NEBL: variants seen among roughly 807,000 people sequenced by gnomAD.
NEBL encodes nebulette.
Under a neutral mutation model 140.2 loss-of-function variants are expected in NEBL, and 122 were observed. The observed-to-expected ratio is 0.87, with a 90% CI of 0.75 to 1.01. The LOEUF (loss-of-function observed/expected upper bound fraction) is 1.01, where lower values mean the gene tolerates loss of function less well. NEBL is among the 50% of genes least tolerant of loss of function. NEBL has a pLI of 0.00. For synonymous variants in NEBL, 436 were observed against 398.9 expected (o/e 1.09, Z -1.11); for missense variants, 1,365 against 1,231.3 (o/e 1.11, Z -1.62).
At chr10:21,004,877 T>G (rs1838065441) in intron 3 of NEBL, among the ~76,000 whole-genome samples, 1 of 152,228 alleles carries the variant, frequency 6.6e-6, no homozygotes. Context: ...GGAGAAACAC[T>G]GACTCACAGA....
intron 20 of NEBL, among the ~76,000 whole-genome samples, chr10:20,818,114 C>T (rs936348805): frequency 7.9e-5 from 12 of 152,190 alleles, no homozygotes. Flanking sequence ...AGCTCTCTGA[C>T]TCCTACCACC....
At chr10:20,944,841 A>G (rs2131579466) in intron 4 of NEBL, among the ~76,000 whole-genome samples, 1 of 152,300 alleles carries the variant, frequency 6.6e-6, no homozygotes, top group Middle Eastern at 3.4e-3. Context: ...TTATTCTCCA[A>G]AAGCAGACAT....
intron 18 of NEBL, 103 bp from the exon 19 acceptor site, chr10:20,823,403 T>C: frequency 1.2e-6 from 1 of 829,850 alleles, no homozygotes; most frequent in South Asian, 1.7e-5. Flanking sequence ...ATTTTATTAA[T>C]TCCAACATTA....
chr10:21,148,359 G>C (rs867806021), intron 2 of NEBL, among the ~76,000 whole-genome samples: 1 of 152,096 alleles, frequency 6.6e-6, no homozygotes, highest in Non-Finnish European at 1.5e-5. Flanking sequence ...TAAAGTATGT[G>C]GACTTTGGTC....
chr10:20,958,188 T>G lies in NEBL; in HGVS notation c.357+3484A>C, dbSNP rs1835893027. Among the ~76,000 whole-genome samples the G allele has an allele frequency of 2.0e-5, 3 of 152,222 alleles. 1 individual carries two copies. Among genetic ancestry groups the G allele is most frequent in the Admixed American group, 2.0e-4 (3 of 15,282 alleles). On this transcript the variant is annotated intron_variant, in intron 4 of 6. Coordinates refer to the NEBL transcript ENST00000417816. ...GGTGTTTCATTTTTTTTAATGCCCTTGGGCACAGTATTCCTCAATTCATAT... is the reference window on the plus strand; with the variant it reads ...GGTGTTTCATTTTTTTTAATGCCCTGGGGCACAGTATTCCTCAATTCATAT...
chr10:20,945,453 T>C (rs1359626826), intron 4 of NEBL, among the ~76,000 whole-genome samples: 1 of 152,198 alleles, frequency 6.6e-6, no homozygotes, highest in Admixed American at 6.5e-5. Flanking sequence ...ACAAGTAAAG[T>C]AAGCATATTC....
intron 5 of NEBL, among the ~76,000 whole-genome samples, chr10:20,876,727 A>T (rs1473130320): frequency 6.6e-6 from 1 of 152,190 alleles, no homozygotes; most frequent in Non-Finnish European, 1.5e-5. Flanking sequence ...ACAAAACTTA[A>T]AATAGAGTTT....
At chr10:20,995,452 C>G (rs1039716746) in intron 3 of NEBL, among the ~76,000 whole-genome samples, 1 of 152,100 alleles carries the variant, frequency 6.6e-6, no homozygotes, top group Admixed American at 6.6e-5. Flanking sequence ...AAAAGGGTCC[C>G]TGAGCATGAG....
At chr10:20,938,469 T>C (rs1834639117) in intron 4 of NEBL, among the ~76,000 whole-genome samples, 1 of 152,068 alleles carries the variant, frequency 6.6e-6, no homozygotes, top group Non-Finnish European at 1.5e-5. Flanking sequence ...CAAAGGTAGA[T>C]AAAACCACAA....
At chr10:21,217,393 T>C (rs1340399846) in intron 3 of NEBL, among the ~76,000 whole-genome samples, 1 of 152,196 alleles carries the variant, frequency 6.6e-6, no homozygotes, top group Non-Finnish European at 1.5e-5. Flanking sequence ...GGAAACTCTA[T>C]CTGGTTTGTT....
At chr10:20,884,927 C>T (rs1846356755) in intron 4 of NEBL, among the ~76,000 whole-genome samples, 1 of 152,214 alleles carries the variant, frequency 6.6e-6, no homozygotes, top group Non-Finnish European at 1.5e-5. Flanking sequence ...AATAAAATGG[C>T]CTCCTAAAAA....
At chr10:21,023,358 G>A (rs944767455) in intron 2 of NEBL, among the ~76,000 whole-genome samples, 10 of 152,140 alleles carry the variant, frequency 6.6e-5, no homozygotes, top group African/African-American at 2.4e-4. Flanking sequence ...CAGTTTGGGG[G>A]CATGCTTTGG....
In NEBL at chr10:21,120,680, C is replaced by CAAA. The variant is rs66476160; in HGVS notation, c.164+51700_164+51702dup. 9.1e-4 allele frequency among the ~76,000 whole-genome samples: 65 copies of CAAA among 71,222 alleles called. 2 individuals are homozygous for CAAA. Among genetic ancestry groups the CAAA allele is most frequent in the South Asian group, 1.3e-3 (2 of 1,556 alleles). 46.7% of individuals were successfully genotyped at this position (71,222 alleles called of 152,430 possible). On this transcript the variant is annotated intron_variant, in intron 2 of 6. Transcript: ENST00000417816. ...ACTCTTCAAAAGTATTTCATGACAG[C>CAAA]AAAAAAAAAAAAAAAAAAAAAAAAC...
rs1247739043 is a variant in NEBL at position 20,805,039 on chromosome 10, G to A, written c.2761+3471C>T. ...TAAGGGTAGCAACAATGGAGGTAGG[G>A]CCAAGCACTCAGATTCTGGATATTT... On this transcript the variant is annotated intron_variant, in intron 26 of 27. Coordinates refer to ENST00000377122, the MANE Select transcript of NEBL (RefSeq NM_006393.3). Among the ~76,000 whole-genome samples the A allele has an allele frequency of 3.3e-5, 5 of 152,152 alleles. 1 individual carries two copies. Among genetic ancestry groups the A allele is most frequent in the Non-Finnish European group, 7.3e-5 (5 of 68,030 alleles).
At chr10:21,285,723 G>C (rs972104005) in intron 1 of NEBL, among the ~76,000 whole-genome samples, 4 of 152,190 alleles carry the variant, frequency 2.6e-5, no homozygotes, top group Non-Finnish European at 5.9e-5. Flanking sequence ...TCTACTTCCA[G>C]GAAGTGTCTA....
intron 2 of NEBL, among the ~76,000 whole-genome samples, chr10:21,033,538 A>G (rs1330598246): frequency 1.3e-5 from 2 of 152,148 alleles, no homozygotes; most frequent in Admixed American, 1.3e-4. Context: ...TCATCCATGT[A>G]GAACAGAAAT....
intron 26 of NEBL, among the ~76,000 whole-genome samples, chr10:20,804,852 T>G (rs1414193758): frequency 6.6e-6 from 1 of 151,844 alleles, no homozygotes; most frequent in East Asian, 1.9e-4. Flanking sequence ...GATAGAAGAG[T>G]GACATGATGT....
intron 3 of NEBL, among the ~76,000 whole-genome samples, chr10:20,999,886 C>T (rs905758334): frequency 2.0e-5 from 3 of 152,072 alleles, no homozygotes; most frequent in Non-Finnish European, 4.4e-5. Context: ...GCAATTTCAT[C>T]GTTGGTTCCC....
At chr10:21,057,945 G>A (rs1379287846) in intron 2 of NEBL, among the ~76,000 whole-genome samples, 1 of 152,002 alleles carries the variant, frequency 6.6e-6, no homozygotes, top group Non-Finnish European at 1.5e-5. Context: ...TCATATAATC[G>A]TGAACACCAG....
Sources: allele counts gnomAD v4.1 joint callset (sites outside exome capture counted in the v4.1 genomes callset), GRCh38; gene constraint gnomAD v4.1.1; transcripts MANE v1.5; gene names NCBI Gene and HGNC (gene_info 2026-07-23, HGNC 2026-07-21).